Variants in CFAP47 observed in about 807,000 individuals in gnomAD.
The protein encoded by CFAP47 is cilia- and flagella-associated protein 47.
CFAP47 carries 29 observed loss-of-function variants against 148.1 expected under a neutral mutation model. That is an observed-to-expected ratio of 0.20 (90% CI 0.15 to 0.27). CFAP47 has a LOEUF of 0.27. Ranked by LOEUF, CFAP47 falls within the 10% of genes least tolerant of loss-of-function variation. CFAP47 has a pLI of 1.00. For synonymous variants in CFAP47, 664 were observed against 577.3 expected, an observed-to-expected ratio of 1.15 and a Z score of -2.15; for missense variants, 1,872 against 1,697.5, an observed-to-expected ratio of 1.10 and a Z score of -1.81.
intron 22 of CFAP47, among the ~76,000 whole-genome samples, chrX:36,025,637 A>G (rs762866894): frequency 1.4e-4 from 16 of 111,822 alleles, no homozygotes; most frequent in Non-Finnish European, 2.6e-4. Flanking sequence ...ATAAAAAAAA[A>G]GAATTTGTAT....
intron 21 of CFAP47, among the ~76,000 whole-genome samples, chrX:36,008,746 A>C (rs924474224): frequency 1.8e-5 from 2 of 110,771 alleles, no homozygotes; most frequent in Non-Finnish European, 3.8e-5. Flanking sequence ...CTCCAGCCTG[A>C]GTGACAGAGT....
chrX:36,310,608 A>G (rs781928169), intron 55 of CFAP47, among the ~76,000 whole-genome samples: 3 of 111,063 alleles, frequency 2.7e-5, no homozygotes, highest in African/African-American at 9.7e-5. Context: ...TGATATTTGA[A>G]TATTGCACTT....
intron 8 of CFAP47, among the ~76,000 whole-genome samples, chrX:35,958,122 A>G (rs1053373353): frequency 6.3e-5 from 7 of 111,620 alleles, no homozygotes; most frequent in South Asian, 3.7e-4. Flanking sequence ...TTTTCTATAA[A>G]TATTATATTT....
At chrX:36,031,661 A>G (rs1219757452) in intron 23 of CFAP47, among the ~76,000 whole-genome samples, 4 of 109,898 alleles carry the variant, frequency 3.6e-5, no homozygotes, top group Admixed American at 2.9e-4. Flanking sequence ...ATACAAATGG[A>G]AGCTATGATT....
intron 29 of CFAP47, among the ~76,000 whole-genome samples, chrX:36,083,246 AGTATACATATATGCATGTATACATGCAT>A (rs1256211627): frequency 9.0e-6 from 1 of 110,766 alleles, no homozygotes; most frequent in Non-Finnish European, 1.9e-5. Flanking sequence ...ATATAGATGT[AGTATACATATATGCATGTATACATGCAT>A]GTATACATGT....
intron 33 of CFAP47, among the ~76,000 whole-genome samples, chrX:36,120,126 C>T (rs1418928161): frequency 4.6e-5 from 5 of 108,802 alleles, no homozygotes; most frequent in African/African-American, 1.3e-4. Flanking sequence ...CTTAGCCTCC[C>T]GAGTATCTGG....
chrX:36,312,342 G>C (rs1418058118), intron 56 of CFAP47, among the ~76,000 whole-genome samples: 1 of 111,184 alleles, frequency 9.0e-6, no homozygotes, highest in African/African-American at 3.3e-5. Flanking sequence ...ATATAGTAGA[G>C]AATTTGAAGA....
chrX:36,296,797 A>G (rs1556006837), intron 51 of CFAP47, among the ~76,000 whole-genome samples: 1 of 111,798 alleles, frequency 8.9e-6, no homozygotes, highest in Non-Finnish European at 1.9e-5. Flanking sequence ...TTGGGTTGAT[A>G]GTATGTGTTA....
At chrX:36,084,064 G>C (rs775446739) in intron 29 of CFAP47, among the ~76,000 whole-genome samples, 48 of 110,500 alleles carry the variant, frequency 4.3e-4, no homozygotes, top group African/African-American at 1.6e-3. Flanking sequence ...TTAATCTACT[G>C]TTAGACTCAT....
chrX:35,975,289 A>C lies in CFAP47; in HGVS notation c.2397A>C (p.Ser799=). 1.7e-6 allele frequency: 2 copies of C among 1,208,308 alleles called. No homozygotes were observed. Among genetic ancestry groups the C allele is most frequent in the Non-Finnish European group, 2.2e-6 (2 of 892,919 alleles). The change falls in exon 14 of 64, where the codon TCA becomes TCC. Residue 799 remains serine (S), a synonymous_variant. Transcript: ENST00000378653. The part of the protein sequence containing the change: ...LEELQKTNQF[S]YVILPTSSTY... Reference sequence around the variant, plus strand: ...AACTTCAGAAGACCAACCAATTTTCATACGTGATTCTACCTACATCCAGTA... The same window carrying C: ...AACTTCAGAAGACCAACCAATTTTCCTACGTGATTCTACCTACATCCAGTA...
chrX:36,044,260 C>T (rs1233204896), intron 25 of CFAP47, among the ~76,000 whole-genome samples: 1 of 113,109 alleles, frequency 8.8e-6, no homozygotes, highest in African/African-American at 3.2e-5. Context: ...TCCCCATTGT[C>T]TTGGCTCCTC....
chrX:36,099,895 T>C lies in CFAP47; in HGVS notation c.5127+16T>C, dbSNP rs368017688. The C allele has an allele frequency of 1.5e-4, 131 of 864,599 alleles. No individual in the cohort carries two copies. The African/African-American group carries it at 2.3e-3, about 15-fold the overall frequency. 71.3% of individuals were successfully genotyped at this position (864,599 alleles called of 1,213,427 possible). A position where few individuals can be genotyped will look rare whatever the true frequency, so the allele number is the denominator to read the frequency against. On this transcript the variant is annotated intron_variant, in intron 32 of 63. Transcript: ENST00000378653. ...GATATACAAGGTAACATTTCCATTA[T>C]TGTTCGCTGCTTCTCTGTTGATTAA...
chrX:36,353,119 T>C (rs1556017801), intron 59 of CFAP47, among the ~76,000 whole-genome samples: 1 of 111,040 alleles, frequency 9.0e-6, no homozygotes, highest in East Asian at 2.8e-4. Flanking sequence ...TTTTCTATAG[T>C]ATTGTTATAA....
intron 61 of CFAP47, among the ~76,000 whole-genome samples, chrX:36,364,152 A>G (rs1461099830): frequency 9.0e-6 from 1 of 110,936 alleles, no homozygotes; most frequent in Admixed American, 9.8e-5. Flanking sequence ...TTATGAATCT[A>G]CAGTATTGAT....
intron 2 of CFAP47, among the ~76,000 whole-genome samples, chrX:35,937,750 G>A (rs1347676737): frequency 1.0e-5 from 1 of 97,131 alleles, no homozygotes; most frequent in Non-Finnish European, 1.9e-5. Context: ...TGGCATGACT[G>A]GAATGTGATT....
intron 33 of CFAP47, among the ~76,000 whole-genome samples, chrX:36,134,307 T>C (rs917437150): frequency 2.7e-5 from 3 of 111,357 alleles, no homozygotes; most frequent in East Asian, 2.8e-4. Flanking sequence ...TATCAGTAAG[T>C]TGACTCTAAA....
At chrX:36,144,746 C>T (rs147000338) in intron 35 of CFAP47, 3 of 1,023,277 alleles carry the variant, frequency 2.9e-6, no homozygotes, top group Admixed American at 2.5e-5. Flanking sequence ...TTATTTTTGT[C>T]GTGATCTCTT....
At chrX:36,323,257 T>C (rs2146968800) in intron 57 of CFAP47, among the ~76,000 whole-genome samples, 1 of 109,945 alleles carries the variant, frequency 9.1e-6, no homozygotes, top group East Asian at 2.8e-4. Flanking sequence ...TAAAAACAAA[T>C]AAAAACCTTA....
intron 31 of CFAP47, 70 bp from the exon 32 acceptor site, chrX:36,099,681 G>GAAA: frequency 2.2e-6 from 1 of 450,605 alleles, no homozygotes; most frequent in Non-Finnish European, 3.7e-6. Context: ...CACATGTTTT[G>GAAA]AAAAAAAAAA....
Sources: allele counts gnomAD v4.1 joint callset (sites outside exome capture counted in the v4.1 genomes callset), GRCh38; gene constraint gnomAD v4.1.1; transcripts MANE v1.5; gene names NCBI Gene and HGNC (gene_info 2026-07-23, HGNC 2026-07-21).